Variants in INPP4B observed in about 807,000 individuals in gnomAD.
INPP4B encodes the protein inositol polyphosphate 4-phosphatase type II.
In INPP4B, 55 loss-of-function variants were observed where a neutral mutation model predicts 122.5. The observed-to-expected ratio is 0.45, with a 90% confidence interval of 0.36 to 0.56. INPP4B has a LOEUF of 0.56. Among genes scored for constraint, INPP4B ranks in the 20% least tolerant of loss-of-function variants. The pLI is 0.00. For synonymous variants in INPP4B, 403 were observed against 388.7 expected (o/e 1.04, Z -0.43); for missense variants, 1,000 against 1,097.7 (o/e 0.91, Z 1.26).
At chr4:142,251,374 T>C (rs538077877) in intron 11 of INPP4B, among the ~76,000 whole-genome samples, 2 of 152,330 alleles carry the variant, frequency 1.3e-5, no homozygotes, top group South Asian at 2.1e-4. Flanking sequence ...ATGAATGACA[T>C]AAATTATGGT....
At chr4:142,195,992 A>G (rs1838037445) in intron 14 of INPP4B, among the ~76,000 whole-genome samples, 1 of 152,170 alleles carries the variant, frequency 6.6e-6, no homozygotes, top group Non-Finnish European at 1.5e-5. Flanking sequence ...CTATTCATCC[A>G]CCTCACTGCT....
intron 1 of INPP4B, among the ~76,000 whole-genome samples, chr4:142,768,583 C>T (rs1772526626): frequency 6.6e-6 from 1 of 152,146 alleles, no homozygotes; most frequent in East Asian, 1.9e-4. Context: ...GTATTATCTA[C>T]CTCAGAGCAT....
intron 2 of INPP4B, among the ~76,000 whole-genome samples, chr4:142,644,285 G>A (rs1482336783): frequency 1.3e-5 from 2 of 150,592 alleles, no homozygotes; most frequent in African/African-American, 2.5e-5. Flanking sequence ...AGTGGGGGAG[G>A]AGGAGAAGGA....
intron 8 of INPP4B, chr4:142,306,019 C>T: frequency 1.4e-6 from 1 of 711,462 alleles, no homozygotes; most frequent in Non-Finnish European, 1.7e-6. Context: ...TATATTTTTC[C>T]CCCATCACAG....
intron 1 of INPP4B, among the ~76,000 whole-genome samples, chr4:142,736,333 C>A (rs546755950): frequency 1.3e-5 from 2 of 152,064 alleles, no homozygotes; most frequent in South Asian, 4.1e-4. Flanking sequence ...TTTTTTTTTA[C>A]CACTAAGTGT....
At chr4:142,841,777 GAAGATGCT>G (rs1783525389) in intron 1 of INPP4B, among the ~76,000 whole-genome samples, 1 of 151,762 alleles carries the variant, frequency 6.6e-6, no homozygotes, top group Non-Finnish European at 1.5e-5. Flanking sequence ...TTTGATCTTG[GAAGATGCT>G]TTACATTGAT....
intron 1 of INPP4B, among the ~76,000 whole-genome samples, chr4:142,783,406 A>G (rs1184963365): frequency 6.6e-6 from 1 of 152,206 alleles, no homozygotes; most frequent in Admixed American, 6.5e-5. Flanking sequence ...CAAAAAACAC[A>G]TGAAAAAATG....
chr4:142,720,772 T>TA (rs1560996515), intron 2 of INPP4B, among the ~76,000 whole-genome samples: 34 of 10,734 alleles, frequency 3.2e-3, no homozygotes, highest in African/African-American at 9.8e-3. Flanking sequence ...TCTCTCTCTC[T>TA]CTCTCTCTCT....
At chr4:142,625,621 G>C (rs564561338) in intron 2 of INPP4B, among the ~76,000 whole-genome samples, 44 of 151,906 alleles carry the variant, frequency 2.9e-4, no homozygotes, top group African/African-American at 1.0e-3. Flanking sequence ...TCACAGAATT[G>C]GAAAAAACTA....
At chr4:142,294,545 G>A (rs73850837) in intron 9 of INPP4B, among the ~76,000 whole-genome samples, 2,419 of 152,020 alleles carry the variant, frequency 0.016, 72 homozygotes, top group African/African-American at 0.054. Context: ...AAGTGGACAC[G>A]CACGGGGAGC....
At chr4:142,228,991 C>A (rs983303488) in intron 12 of INPP4B, among the ~76,000 whole-genome samples, 1 of 151,548 alleles carries the variant, frequency 6.6e-6, no homozygotes, top group African/African-American at 2.4e-5. Context: ...AAAATTGATG[C>A]AAACTTTTTA....
At chr4:142,095,003 G>A (rs78605508) in intron 23 of INPP4B, among the ~76,000 whole-genome samples, 3,363 of 152,114 alleles carry the variant, frequency 0.022, 126 homozygotes, top group African/African-American at 0.077. Flanking sequence ...GACTTGATGT[G>A]GTCTCTGATT....
At position 142,260,530 on chromosome 4, in the gene INPP4B, C is replaced by A; in HGVS notation, c.650G>T (p.Ser217Ile). 6.2e-7 allele frequency: 1 copy of A among 1,608,820 alleles called. No individual in the cohort carries two copies. ...AGGTAAGTTATCTTTTCCGCTCACACTTTCCGGGGCTGTACATTCACATAC... is the reference window on the plus strand; with the variant it reads ...AGGTAAGTTATCTTTTCCGCTCACAATTTCCGGGGCTGTACATTCACATAC... ...ALVCECTAPE[S>I]VSGKDNLPFL... Residue 217 changes from serine (S) to isoleucine (I), a missense_variant, in exon 11 of 26, where the codon AGT (serine) becomes ATT (isoleucine). Transcript: ENST00000262992.
At chr4:142,757,364 T>C (rs1186457135) in intron 1 of INPP4B, among the ~76,000 whole-genome samples, 3 of 152,158 alleles carry the variant, frequency 2.0e-5, no homozygotes. Context: ...ATATATGTGA[T>C]GACATATACC....
In INPP4B at chr4:142,710,783, C is replaced by G. The variant is rs190562276; in HGVS notation, c.-191+15056G>C. ...TCTATTTGTCAAATTTGATGTATCT[C>G]CTTCAGATATAATACATTCATAGTT... On this transcript the variant is annotated intron_variant, in intron 2 of 25. Transcript: ENST00000262992. Among the ~76,000 whole-genome samples, 372 of 152,266 alleles carry G rather than the reference C, an allele frequency of 2.4e-3. 1 individual carries two copies. The highest frequency in any genetic ancestry group is 8.5e-3 in the African/African-American group (354 of 41,554).
At chr4:142,216,459 A>T (rs1378149991) in intron 12 of INPP4B, among the ~76,000 whole-genome samples, 1 of 152,236 alleles carries the variant, frequency 6.6e-6, no homozygotes, top group East Asian at 1.9e-4. Context: ...TCTCCAAAGG[A>T]GACATATAAT....
At chr4:142,613,854 G>A (rs1053749268) in intron 2 of INPP4B, among the ~76,000 whole-genome samples, 1 of 152,082 alleles carries the variant, frequency 6.6e-6, no homozygotes, top group Admixed American at 6.6e-5. Context: ...GATCTTCAAG[G>A]TTATTTGCAA....
intron 2 of INPP4B, among the ~76,000 whole-genome samples, chr4:142,696,986 G>C (rs771303864): frequency 6.6e-6 from 1 of 152,160 alleles, no homozygotes; most frequent in African/African-American, 2.4e-5. Flanking sequence ...GTCAGAGAGA[G>C]TGGAACACTG....
chr4:142,483,376 T>A (rs1279718464), intron 2 of INPP4B, among the ~76,000 whole-genome samples: 1 of 151,994 alleles, frequency 6.6e-6, no homozygotes, highest in Non-Finnish European at 1.5e-5. Flanking sequence ...AACCAGTTTA[T>A]TTAGCTAAGA....
Sources: allele counts gnomAD v4.1 joint callset (sites outside exome capture counted in the v4.1 genomes callset), GRCh38; gene constraint gnomAD v4.1.1; transcripts MANE v1.5; gene names NCBI Gene and HGNC (gene_info 2026-07-23, HGNC 2026-07-21).